CDC45: variants seen among roughly 807,000 people sequenced by gnomAD.
CDC45 encodes the protein cell division control protein 45 homolog.
CDC45 carries 54 observed loss-of-function variants against 77.8 expected under a neutral mutation model. The ratio of observed to expected loss-of-function variants is 0.69; its 90% confidence interval spans 0.56 to 0.87. The LOEUF is 0.87. Ranked by LOEUF, CDC45 falls within the 40% of genes least tolerant of loss-of-function variation. CDC45 has a pLI of 0.00. For missense variants in CDC45, 649 were observed against 721.6 expected, an observed-to-expected ratio of 0.90 and a Z score of 1.15; for synonymous variants, 260 against 272.1, an observed-to-expected ratio of 0.96 and a Z score of 0.44.
intron 17 of CDC45, among the ~76,000 whole-genome samples, chr22:19,517,819 T>G (rs945943893): frequency 6.6e-6 from 1 of 152,186 alleles, no homozygotes; most frequent in Non-Finnish European, 1.5e-5. Flanking sequence ...TTAATTACCA[T>G]AGTCACATTC....
intron 2 of CDC45, 39 bp from the exon 3 acceptor site, chr22:19,480,914 T>A (rs2089969749): frequency 7.5e-7 from 1 of 1,334,950 alleles, no homozygotes; most frequent in Non-Finnish European, 1.1e-6. Flanking sequence ...ATTGCTAATG[T>A]CCTAAATAAG....
At position 19,508,504 on chromosome 22, in the gene CDC45, G is replaced by GCCC. The variant is rs1156477828; in HGVS notation, c.1056-26_1056-25insCCC. ...GAGAGCTTGCCCACAATTTGAGGGT[G>GCCC]ACAGCTGTGTTTGCTCCCATGACAG... is the stretch of plus-strand genomic sequence containing the variant. On this transcript the variant is annotated intron_variant, in intron 12 of 18. Transcript: ENST00000263201. The GCCC allele has an allele frequency of 2.5e-6, 4 of 1,613,782 alleles. No individual in the cohort carries two copies. In the Admixed American group the frequency reaches 6.7e-5, roughly 27 times the overall value.
intron 5 of CDC45, among the ~76,000 whole-genome samples, chr22:19,490,973 G>A (rs2090145544): frequency 6.6e-6 from 1 of 151,520 alleles, no homozygotes; most frequent in South Asian, 2.1e-4. Flanking sequence ...GACCCCAGGT[G>A]TGTGCCACCA....
chr22:19,503,979 G>A (rs1212541013), intron 9 of CDC45, among the ~76,000 whole-genome samples: 1 of 152,252 alleles, frequency 6.6e-6, no homozygotes, highest in Non-Finnish European at 1.5e-5. Context: ...GGCACGGGTG[G>A]CAGCCCATAT....
rs750724602 is a variant in CDC45, at chr22:19,497,463, G to A, written c.653+16G>A. The A allele has an allele frequency of 1.4e-5, 22 of 1,611,470 alleles. No individual in the cohort carries two copies. The highest frequency in any genetic ancestry group is 1.3e-4 in the South Asian group (12 of 91,034). On this transcript the variant is annotated intron_variant, in intron 8 of 18. Transcript: ENST00000263201. ...ACATGCTGTGGTACGTAGCCCCTGC[G>A]GCAGCTGTGTGGGAGTATTTGTTGC...
chr22:19,486,711 C>G (rs1017825762), intron 5 of CDC45, among the ~76,000 whole-genome samples: 2 of 152,130 alleles, frequency 1.3e-5, no homozygotes, highest in Admixed American at 6.5e-5. Flanking sequence ...GAGACGGAGT[C>G]TCGCTCTGTC....
At chr22:19,509,359 G>A (rs5746758) in intron 13 of CDC45, among the ~76,000 whole-genome samples, 115,639 of 152,214 alleles carry the variant, frequency 0.76, 44,146 homozygotes, top group South Asian at 0.88. Flanking sequence ...CAGAGACTCA[G>A]AGCCAGAGTT....
At chr22:19,499,515 C>T (rs972023845) in intron 9 of CDC45, among the ~76,000 whole-genome samples, 15 of 151,674 alleles carry the variant, frequency 9.9e-5, no homozygotes, top group East Asian at 5.8e-4. Flanking sequence ...AGGTTGGGGG[C>T]GGGATGAGAG....
intron 9 of CDC45, among the ~76,000 whole-genome samples, chr22:19,501,145 A>G (rs1229544455): frequency 6.6e-6 from 1 of 152,116 alleles, no homozygotes; most frequent in Non-Finnish European, 1.5e-5. Context: ...GTGCCACTGC[A>G]CTCCAGTTTG....
intron 9 of CDC45, among the ~76,000 whole-genome samples, chr22:19,503,103 G>A (rs1425964719): frequency 1.3e-5 from 2 of 152,156 alleles, no homozygotes; most frequent in South Asian, 2.1e-4. Context: ...GGAGGTCAAA[G>A]CTTCAGTGAG....
At chr22:19,510,833 T>C (rs764829991) in intron 13 of CDC45, among the ~76,000 whole-genome samples, 4 of 152,200 alleles carry the variant, frequency 2.6e-5, no homozygotes, top group African/African-American at 9.7e-5. Context: ...GGCCAGTGTC[T>C]TTTTATTATA....
intron 5 of CDC45, among the ~76,000 whole-genome samples, chr22:19,484,772 G>A (rs1224759839): frequency 1.3e-5 from 2 of 152,158 alleles, no homozygotes; most frequent in Non-Finnish European, 2.9e-5. Context: ...TGGGGAAGGG[G>A]CAATGCCCTT....
chr22:19,494,587 C>T, intron 6 of CDC45: 7 of 1,546,068 alleles, frequency 4.5e-6, no homozygotes, highest in Non-Finnish European at 6.1e-6. Context: ...GACAGGACAG[C>T]CCCAAGGTCT....
intron 17 of CDC45, 57 bp downstream of exon 17, chr22:19,516,950 C>T (rs1388605015): frequency 1.4e-6 from 2 of 1,416,210 alleles, no homozygotes; most frequent in African/African-American, 1.4e-5. Context: ...GAGGCTATTG[C>T]AGGCCCTGGA....
chr22:19,499,721 T>G (rs1601953409), intron 9 of CDC45, among the ~76,000 whole-genome samples: 1 of 151,928 alleles, frequency 6.6e-6, no homozygotes. Context: ...GAAGTGGGGG[T>G]TGGCTTCTTC....
At chr22:19,494,213 C>T (rs1227406087) in intron 5 of CDC45, 114 bp from the exon 6 acceptor site, 2 of 848,718 alleles carry the variant, frequency 2.4e-6, no homozygotes, top group Non-Finnish European at 3.9e-6. Flanking sequence ...TGACCGTGTT[C>T]TCTCTCAGGG....
chr22:19,518,488 G>A (rs1405803550), intron 17 of CDC45, among the ~76,000 whole-genome samples: 2 of 152,162 alleles, frequency 1.3e-5, no homozygotes, highest in Non-Finnish European at 2.9e-5. Flanking sequence ...AAAGTGACCT[G>A]CCCCACCCAA....
chr22:19,493,686 C>T (rs1046028721), intron 5 of CDC45, among the ~76,000 whole-genome samples: 2 of 152,086 alleles, frequency 1.3e-5, no homozygotes, highest in South Asian at 2.1e-4. Context: ...TCATGTGATC[C>T]GCCCGCCTGT....
chr22:19,513,906 C>T (rs1933644908), intron 13 of CDC45, among the ~76,000 whole-genome samples: 1 of 152,100 alleles, frequency 6.6e-6, no homozygotes, highest in African/African-American at 2.4e-5. Context: ...GTCTTGTTAT[C>T]TATGTTGAGG....
Sources: gnomAD v4.1 joint callset for allele counts (sites outside exome capture counted in the v4.1 genomes callset) on GRCh38, gnomAD v4.1.1 for gene constraint, MANE v1.5 for transcripts, NCBI Gene and HGNC (gene_info 2026-07-23, HGNC 2026-07-21) for gene names.